TBCD: variants seen among roughly 807,000 people sequenced by gnomAD.
TBCD encodes tubulin-specific chaperone D.
In TBCD, 105 loss-of-function variants were observed where a neutral mutation model predicts 169.3. That is an observed-to-expected ratio of 0.62 (90% confidence interval 0.53 to 0.73). The LOEUF is 0.73. Among genes scored for constraint, TBCD ranks in the 30% least tolerant of loss-of-function variants. The probability of loss-of-function intolerance (pLI) is 0.00; values close to 1 mark genes in which losing one functional copy is unlikely to be tolerated. For synonymous variants in TBCD, 700 were observed against 643.9 expected (o/e 1.09, Z -1.32); for missense variants, 1,444 against 1,600.1 (o/e 0.90, Z 1.66).
chr17:82,769,516 G>GC (rs1274515018), intron 5 of TBCD, among the ~76,000 whole-genome samples: 8 of 152,180 alleles, frequency 5.3e-5, no homozygotes, highest in African/African-American at 1.9e-4. Context: ...CTGAGTGCCT[G>GC]CTGTGTGCCT....
chr17:82,875,473 T>C (rs943615037), intron 14 of TBCD, among the ~76,000 whole-genome samples: 1 of 152,246 alleles, frequency 6.6e-6, no homozygotes, highest in Non-Finnish European at 1.5e-5. Flanking sequence ...AGTGATTTCC[T>C]CACCTGAAAC....
At chr17:82,836,031 G>A (rs2053942455) in intron 13 of TBCD, among the ~76,000 whole-genome samples, 1 of 152,198 alleles carries the variant, frequency 6.6e-6, no homozygotes, top group Admixed American at 6.5e-5. Flanking sequence ...ACAAGGCACC[G>A]GGTCAAGGCC....
chr17:82,875,455 G>A (rs1233087502), intron 14 of TBCD, among the ~76,000 whole-genome samples: 1 of 152,220 alleles, frequency 6.6e-6, no homozygotes, highest in Non-Finnish European at 1.5e-5. Context: ...TGCTGCCATT[G>A]TGTGTCCAGT....
intron 13 of TBCD, among the ~76,000 whole-genome samples, chr17:82,859,084 T>C (rs1324056567): frequency 9.8e-4 from 127 of 130,248 alleles, no homozygotes; most frequent in Middle Eastern, 0.011. Context: ...CACTGGCTTT[T>C]AGGGAAAGAG....
At chr17:82,856,171 A>G (rs2056265806) in intron 13 of TBCD, among the ~76,000 whole-genome samples, 1 of 151,436 alleles carries the variant, frequency 6.6e-6, no homozygotes, top group Non-Finnish European at 1.5e-5. Flanking sequence ...AGACACCCAA[A>G]CATGTCAGTG....
intron 2 of TBCD, among the ~76,000 whole-genome samples, chr17:82,760,984 A>G (rs1477220493): frequency 6.6e-6 from 1 of 151,598 alleles, no homozygotes; most frequent in East Asian, 1.9e-4. Context: ...TTTGGAGACA[A>G]AGTCTTGCTC....
chr17:82,872,793 T>C (rs1847237355), intron 14 of TBCD, among the ~76,000 whole-genome samples: 1 of 152,272 alleles, frequency 6.6e-6, no homozygotes, highest in African/African-American at 2.4e-5. Flanking sequence ...AGGACAGCAC[T>C]GAAGACACCT....
intron 5 of TBCD, among the ~76,000 whole-genome samples, chr17:82,769,657 A>G (rs557962679): frequency 1.3e-5 from 2 of 152,270 alleles, no homozygotes; most frequent in South Asian, 4.2e-4. Flanking sequence ...CGGGCAGATC[A>G]CGTGAGGTTA....
chr17:82,850,621 T>C (rs2055711784), intron 13 of TBCD, among the ~76,000 whole-genome samples: 1 of 150,924 alleles, frequency 6.6e-6, no homozygotes, highest in Admixed American at 6.6e-5. Flanking sequence ...TTGGCTGTGC[T>C]GTTTTGCTGT....
At chr17:82,824,478 C>T (rs946053327) in intron 13 of TBCD, among the ~76,000 whole-genome samples, 10 of 151,720 alleles carry the variant, frequency 6.6e-5, no homozygotes, top group South Asian at 2.1e-4. Flanking sequence ...CCACCGCGCC[C>T]GACCCATATA....
chr17:82,801,742 G>T (rs1247419558), intron 9 of TBCD, among the ~76,000 whole-genome samples: 12 of 126,384 alleles, frequency 9.5e-5, no homozygotes, highest in Non-Finnish European at 1.6e-5. Flanking sequence ...TGACGTGTGC[G>T]TGATCGTGTG....
At position 82,803,092 on chromosome 17, in the gene TBCD, G is replaced by A. The variant is rs373983510; in HGVS notation, c.950+2096G>A. Among the ~76,000 whole-genome samples, 39 of 152,118 alleles carry A rather than the reference G, an allele frequency of 2.6e-4. No individual in the cohort carries two copies. The South Asian group carries it at 7.7e-3, about 30-fold the overall frequency. ...GATTTTCGTTGTCTCTGTTAGTACC[G>A]TTCTCTTCTTGGTTGTCTTCTGTTG... On this transcript the variant is annotated intron_variant, in intron 9 of 38. Coordinates refer to ENST00000355528, the MANE Select transcript of TBCD (RefSeq NM_005993.5).
intron 28 of TBCD, 124 bp downstream of exon 28, chr17:82,926,615 TC>T: frequency 1.3e-6 from 1 of 774,324 alleles, no homozygotes. Flanking sequence ...TTTCCTCTCT[TC>T]CAGAGGATCG....
intron 13 of TBCD, among the ~76,000 whole-genome samples, chr17:82,850,076 T>TGTTGTTGTTG (rs2055584071): frequency 4.1e-5 from 1 of 24,228 alleles, no homozygotes; most frequent in Non-Finnish European, 8.3e-5. Context: ...CTGTTGGCTG[T>TGTTGTTGTTG]GCTGTGCTGC....
At chr17:82,860,010 C>T (rs2056625165) in intron 13 of TBCD, among the ~76,000 whole-genome samples, 1 of 152,208 alleles carries the variant, frequency 6.6e-6, no homozygotes, top group African/African-American at 2.4e-5. Flanking sequence ...GCATGGCGTC[C>T]TCTGGGCCCT....
In TBCD at chr17:82,928,743, C is replaced by T. The variant is rs183480199; in HGVS notation, c.2694-370C>T. ...TCTTCCCCAGCCCCAGCTTCTCTCTCCCCATCCCCGGCCTCTCTGTCCCCA... is the reference window on the plus strand; with the variant it reads ...TCTTCCCCAGCCCCAGCTTCTCTCTTCCCATCCCCGGCCTCTCTGTCCCCA... On this transcript the variant is annotated intron_variant, in intron 30 of 38. Transcript: ENST00000355528. 4.7e-3 allele frequency among the ~76,000 whole-genome samples: 715 copies of T among 152,094 alleles called. 5 individuals are homozygous for T. The highest frequency in any genetic ancestry group is 7.0e-3 in the Non-Finnish European group (473 of 67,986).
At chr17:82,849,506 T>C (rs938481952) in intron 13 of TBCD, among the ~76,000 whole-genome samples, 1 of 152,246 alleles carries the variant, frequency 6.6e-6, no homozygotes, top group Non-Finnish European at 1.5e-5. Flanking sequence ...CCCTTTCGTC[T>C]CCTTAACCTG....
chr17:82,940,817 TG>T (rs1029684483), intron 37 of TBCD, among the ~76,000 whole-genome samples: 4 of 152,176 alleles, frequency 2.6e-5, no homozygotes, highest in Non-Finnish European at 5.9e-5. Context: ...GCTTTAGGAC[TG>T]AAGAAGCCAG....
At chr17:82,871,335 G>A (rs554502326) in intron 14 of TBCD, among the ~76,000 whole-genome samples, 4 of 152,360 alleles carry the variant, frequency 2.6e-5, no homozygotes, top group African/African-American at 9.6e-5. Flanking sequence ...TGCTGAAGAA[G>A]GCAGGTGCTT....
Sources: gnomAD v4.1 joint callset for allele counts (sites outside exome capture counted in the v4.1 genomes callset) on GRCh38, gnomAD v4.1.1 for gene constraint, MANE v1.5 for transcripts, NCBI Gene and HGNC (gene_info 2026-07-23, HGNC 2026-07-21) for gene names.